The following GLIS1 variants were observed in gnomAD, a reference collection of about 807,000 sequenced individuals.
The protein encoded by GLIS1 is GLIS family zinc finger 1, also known as zinc finger protein GLIS1.
Under a neutral mutation model 63.8 loss-of-function variants are expected in GLIS1, and 24 were observed. That is an observed-to-expected ratio of 0.38 (90% CI 0.27 to 0.53). The LOEUF (loss-of-function observed/expected upper bound fraction) is 0.53, where lower values mean the gene tolerates loss of function less well. Ranked by LOEUF, GLIS1 falls within the 20% of genes least tolerant of loss-of-function variation. The pLI is 0.85. For missense variants in GLIS1, 1,036 were observed against 1,074.1 expected (o/e 0.96, Z 0.50); for synonymous variants, 450 against 482.5 (o/e 0.93, Z 0.88).
intron 2 of GLIS1, among the ~76,000 whole-genome samples, chr1:53,732,435 G>GTC (rs1646871779): frequency 6.7e-6 from 1 of 150,308 alleles, no homozygotes; most frequent in Non-Finnish European, 1.5e-5. Context: ...TAACTCAGCT[G>GTC]TCAGTCCCTG....
chr1:53,602,811 A>G lies in GLIS1; in HGVS notation c.260-2533T>C, dbSNP rs78499258. Among the ~76,000 whole-genome samples the G allele has an allele frequency of 8.3e-3, 1,269 of 152,344 alleles. 15 individuals are homozygous for G. Among genetic ancestry groups the G allele is most frequent in the African/African-American group, 0.029 (1,213 of 41,570 alleles). On this transcript the variant is annotated intron_variant, in intron 2 of 10. Transcript: ENST00000628545. ...CCTGCTGCCTCTTGGCCAACTGCTG[A>G]ATAACCAGAGACCCCTAAATAAGTG...
rs1644826861 is a variant in GLIS1 at position 53,556,390 on chromosome 1, G to T, written c.1321-26438C>A. ...ATGTGTCTGTGCAGGTGTACTGCAG[G>T]TGTGTGTGTGTGTGCAGGTGTACTG... On this transcript the variant is annotated intron_variant, in intron 4 of 10. Coordinates refer to ENST00000628545, the MANE Select transcript of GLIS1 (RefSeq NM_001367484.1). Among the ~76,000 whole-genome samples the T allele has an allele frequency of 2.8e-5, 4 of 142,916 alleles. No homozygotes were observed. In the South Asian group the frequency reaches 6.9e-4, roughly 25 times the overall value. 93.8% of individuals were successfully genotyped at this position (142,916 alleles called of 152,430 possible). A position where few individuals can be genotyped will look rare whatever the true frequency, so the allele number is the denominator to read the frequency against.
intron 2 of GLIS1, among the ~76,000 whole-genome samples, chr1:53,654,775 G>A (rs1645946603): frequency 1.3e-5 from 2 of 152,156 alleles, no homozygotes; most frequent in Admixed American, 6.5e-5. Flanking sequence ...GAGCAGCGTC[G>A]TGCCGCTACA....
chr1:53,709,750 G>A (rs1456978991), intron 2 of GLIS1, among the ~76,000 whole-genome samples: 1 of 152,156 alleles, frequency 6.6e-6, no homozygotes, highest in Non-Finnish European at 1.5e-5. Context: ...TCTCTGCATA[G>A]TGTAGTGCAG....
chr1:53,580,535 T>G (rs1241440730), intron 4 of GLIS1, among the ~76,000 whole-genome samples: 1 of 152,004 alleles, frequency 6.6e-6, no homozygotes, highest in Non-Finnish European at 1.5e-5. Flanking sequence ...TGGTCAGGGG[T>G]CCTCCAAGGT....
chr1:53,643,505 G>C (rs1196164045), intron 2 of GLIS1, among the ~76,000 whole-genome samples: 3 of 152,152 alleles, frequency 2.0e-5, no homozygotes, highest in Non-Finnish European at 2.9e-5. Context: ...GTGTCCATCT[G>C]GGCCTCAGTC....
intron 2 of GLIS1, among the ~76,000 whole-genome samples, chr1:53,637,488 A>T (rs1470444767): frequency 2.6e-5 from 4 of 152,146 alleles, no homozygotes; most frequent in Admixed American, 2.6e-4. Context: ...TGCACTGATA[A>T]GATGGTGCAC....
chr1:53,540,311 C>G (rs751814404), intron 4 of GLIS1, among the ~76,000 whole-genome samples: 1 of 152,092 alleles, frequency 6.6e-6, no homozygotes, highest in Non-Finnish European at 1.5e-5. Flanking sequence ...AGGCTGTGAG[C>G]GCTGCTTCAG....
At chr1:53,600,326 C>T (rs1645303779) in intron 2 of GLIS1, 48 bp from the exon 3 acceptor site, 7 of 1,187,922 alleles carry the variant, frequency 5.9e-6, no homozygotes, top group Middle Eastern at 3.2e-4. Flanking sequence ...GTGGGAACAG[C>T]CTGCAGAGGG....
In GLIS1 at chr1:53,728,139, T is replaced by C. The variant is rs184406257; in HGVS notation, c.259+9667A>G. The stretch of plus-strand genomic sequence containing the variant: ...CTGTCTTCAAGGACGCATAAGTAAA[T>C]AGGAAATTGCCATAGAGTATGAGCA... On this transcript the variant is annotated intron_variant, in intron 2 of 10. Transcript: ENST00000628545. Among the ~76,000 whole-genome samples, 609 of 151,890 alleles carry C rather than the reference T, an allele frequency of 4.0e-3. 7 individuals are homozygous for C. Among genetic ancestry groups the C allele is most frequent in the African/African-American group, 0.014 (596 of 41,380 alleles).
chr1:53,639,647 G>C lies in GLIS1; in HGVS notation c.260-39369C>G, dbSNP rs139608563. On this transcript the variant is annotated intron_variant, in intron 2 of 10. Transcript: ENST00000628545. This position sits in a 1 kb window ranked among gnomAD's most constrained non-coding sequence, Gnocchi z 4.6. The stretch of plus-strand genomic sequence containing the variant: ...TGTCTTACCTCGGAGACAGGGTGGG[G>C]CTTTTTTTTTCCAGCCCGCTATCCT... 8.5e-5 allele frequency among the ~76,000 whole-genome samples: 13 copies of C among 152,180 alleles called. No individual in the cohort carries two copies. The highest frequency in any genetic ancestry group is 8.5e-4 in the Admixed American group (13 of 15,286).
chr1:53,719,425 A>T (rs1269658595), intron 2 of GLIS1, among the ~76,000 whole-genome samples: 1 of 152,158 alleles, frequency 6.6e-6, no homozygotes, highest in African/African-American at 2.4e-5. Context: ...GGGCTCTTCC[A>T]CCTCAACCCT....
chr1:53,669,130 C>T (rs1231305555), intron 2 of GLIS1, among the ~76,000 whole-genome samples: 1 of 152,208 alleles, frequency 6.6e-6, no homozygotes, highest in African/African-American at 2.4e-5. Context: ...CTCCTGCAGA[C>T]CTCTATCTGG....
At chr1:53,556,543 G>A (rs1191072949) in intron 4 of GLIS1, among the ~76,000 whole-genome samples, 1 of 144,548 alleles carries the variant, frequency 6.9e-6, no homozygotes, top group Non-Finnish European at 1.5e-5. Context: ...CTGCAGGTGT[G>A]TGTGTGTGCA....
intron 4 of GLIS1, among the ~76,000 whole-genome samples, chr1:53,538,950 G>C (rs920535450): frequency 2.6e-5 from 4 of 152,114 alleles, no homozygotes; most frequent in Admixed American, 6.5e-5. Flanking sequence ...AAAGTAGGAG[G>C]TGCAGGAGGG....
At chr1:53,550,981 G>A (rs1180781539) in intron 4 of GLIS1, among the ~76,000 whole-genome samples, 4 of 152,104 alleles carry the variant, frequency 2.6e-5, no homozygotes, top group African/African-American at 4.8e-5. Context: ...CTTCCAAGTA[G>A]CTGGGATTAC....
chr1:53,583,688 T>C (rs912349191), intron 4 of GLIS1, among the ~76,000 whole-genome samples: 1 of 152,188 alleles, frequency 6.6e-6, no homozygotes, highest in African/African-American at 2.4e-5. Context: ...AGAATCTCAG[T>C]GACAGATTCT....
At chr1:53,634,229 C>G (rs1441802781) in intron 2 of GLIS1, among the ~76,000 whole-genome samples, 2 of 152,130 alleles carry the variant, frequency 1.3e-5, no homozygotes, top group Non-Finnish European at 2.9e-5. Context: ...TGTCTACCAG[C>G]AGATCTGCAG....
At position 53,629,635 on chromosome 1, in the gene GLIS1, T is replaced by A. The variant is rs181238677; in HGVS notation, c.260-29357A>T. ...TGAGCTTGCTCCTCCTTCTGTCCCC[T>A]CTGCCCATGGGCCTGGACAGTTGCA... On this transcript the variant is annotated intron_variant, in intron 2 of 10. Transcript: ENST00000628545. Among the ~76,000 whole-genome samples, 454 of 152,358 alleles carry A rather than the reference T, an allele frequency of 3.0e-3. 7 individuals carry two copies. The highest frequency in any genetic ancestry group is 2.9e-3 in the Non-Finnish European group (197 of 68,034).
Sources: allele counts gnomAD v4.1 joint callset (sites outside exome capture counted in the v4.1 genomes callset), GRCh38; gene constraint gnomAD v4.1.1; non-coding constraint Gnocchi (gnomAD v3.1); transcripts MANE v1.5; gene names NCBI Gene and HGNC (gene_info 2026-07-23, HGNC 2026-07-21).